Variants in SKAP1 observed in about 807,000 individuals in gnomAD.
SKAP1 encodes the protein src kinase associated phosphoprotein 1.
SKAP1 carries 44 observed loss-of-function variants against 58.5 expected under a neutral mutation model. The ratio of observed to expected loss-of-function variants is 0.75; its 90% CI spans 0.59 to 0.97. The LOEUF is 0.97. Among genes scored for constraint, SKAP1 ranks in the 50% least tolerant of loss-of-function variants. The pLI is 0.00. For synonymous variants in SKAP1, 127 were observed against 149.7 expected (o/e 0.85, Z 1.11); for missense variants, 390 against 435.2 (o/e 0.90, Z 0.92).
upstream of SKAP1, chr17:48,430,260 G>A: frequency 1.8e-6 from 1 of 554,854 alleles, no homozygotes; most frequent in Non-Finnish European, 2.6e-6. Context: ...GCGGGGCGGG[G>A]CCGTGGGTCC....
chr17:48,225,832 A>T (rs1195550394), intron 4 of SKAP1, among the ~76,000 whole-genome samples: 2 of 152,190 alleles, frequency 1.3e-5, no homozygotes, highest in African/African-American at 2.4e-5. Flanking sequence ...CTTAAGAATG[A>T]AGAGTTGAGA....
intron 3 of SKAP1, among the ~76,000 whole-genome samples, chr17:48,347,787 T>C (rs1413569598): frequency 1.3e-5 from 2 of 152,170 alleles, no homozygotes; most frequent in Non-Finnish European, 2.9e-5. Flanking sequence ...GCTCAAATTT[T>C]ACATCACTGG....
intron 2 of SKAP1, among the ~76,000 whole-genome samples, chr17:48,373,493 T>C (rs2067113122): frequency 6.6e-6 from 1 of 152,202 alleles, no homozygotes; most frequent in Non-Finnish European, 1.5e-5. Flanking sequence ...ATTAACTGCT[T>C]TCCTATTGGC....
chr17:48,386,847 A>G (rs2067284069), intron 2 of SKAP1, among the ~76,000 whole-genome samples: 1 of 152,198 alleles, frequency 6.6e-6, no homozygotes, highest in African/African-American at 2.4e-5. Flanking sequence ...GTGATTAAAT[A>G]CTTCTGTGGA....
intron 4 of SKAP1, among the ~76,000 whole-genome samples, chr17:48,190,422 A>T (rs2064525635): frequency 5.9e-5 from 9 of 152,096 alleles, no homozygotes; most frequent in Admixed American, 5.9e-4. Flanking sequence ...AAACTTAAGA[A>T]TTTTTTTGTG....
intron 5 of SKAP1, among the ~76,000 whole-genome samples, chr17:48,188,616 T>C (rs2143516721): frequency 6.6e-6 from 1 of 152,056 alleles, no homozygotes; most frequent in African/African-American, 2.4e-5. Flanking sequence ...GAGCCCAGGA[T>C]TGGAGGCTGC....
intron 1 of SKAP1, among the ~76,000 whole-genome samples, chr17:48,403,069 TCTC>T (rs2067521441): frequency 1.3e-5 from 2 of 152,094 alleles, no homozygotes; most frequent in Non-Finnish European, 2.9e-5. Flanking sequence ...GTGAATTATA[TCTC>T]AATGAAGCTG....
intron 4 of SKAP1, among the ~76,000 whole-genome samples, chr17:48,263,479 G>A (rs2065505545): frequency 6.6e-6 from 1 of 152,088 alleles, no homozygotes; most frequent in Non-Finnish European, 1.5e-5. Flanking sequence ...GTATAACAAT[G>A]AGCTTCAAAC....
intron 2 of SKAP1, among the ~76,000 whole-genome samples, chr17:48,370,107 C>T (rs747590991): frequency 7.9e-5 from 12 of 152,060 alleles, no homozygotes; most frequent in Non-Finnish European, 1.5e-4. Context: ...AGGTTGCCAC[C>T]CCAAATTCAC....
At chr17:48,366,131 C>T (rs944798545) in intron 2 of SKAP1, among the ~76,000 whole-genome samples, 1 of 152,110 alleles carries the variant, frequency 6.6e-6, no homozygotes, top group Admixed American at 6.6e-5. Context: ...TAAAATTAGG[C>T]TTAGCTTCTT....
rs181849232 is a variant in SKAP1 at position 48,264,912 on chromosome 17, C to T, written c.281-75412G>A. Among the ~76,000 whole-genome samples the T allele has an allele frequency of 4.1e-4, 63 of 152,140 alleles. 1 individual carries two copies. The highest frequency in any genetic ancestry group is 3.7e-3 in the Admixed American group (57 of 15,286). ...ACGAGGAAACATCTGTTTGACTTTCCGAAGCTGGCATGGGGAGCTGAAGTC... is the reference window on the plus strand; with the variant it reads ...ACGAGGAAACATCTGTTTGACTTTCTGAAGCTGGCATGGGGAGCTGAAGTC... On this transcript the variant is annotated intron_variant, in intron 4 of 12. Transcript: ENST00000336915.
rs191212011 is a variant in SKAP1 at position 48,411,882 on chromosome 17, G to T, written c.47-15097C>A. On this transcript the variant is annotated intron_variant, in intron 1 of 12. Coordinates refer to ENST00000336915, the MANE Select transcript of SKAP1 (RefSeq NM_003726.4). The stretch of plus-strand genomic sequence containing the variant: ...CTGGGAAACTGTTACAGCAAGAGGC[G>T]CCCAAGGAGCCTAAACTAAACGAGG... Among the ~76,000 whole-genome samples, 53 of 152,216 alleles carry T rather than the reference G, an allele frequency of 3.5e-4. 1 individual carries two copies. Among genetic ancestry groups the T allele is most frequent in the Admixed American group, 1.5e-3 (23 of 15,294 alleles).
intron 4 of SKAP1, among the ~76,000 whole-genome samples, chr17:48,239,195 G>T (rs2065215348): frequency 6.6e-6 from 1 of 152,158 alleles, no homozygotes. Flanking sequence ...TCTCTGGACA[G>T]TGAAATTCAC....
chr17:48,223,279 A>G (rs139783828), intron 4 of SKAP1, among the ~76,000 whole-genome samples: 9 of 152,154 alleles, frequency 5.9e-5, no homozygotes, highest in Non-Finnish European at 1.0e-4. Flanking sequence ...CTTAACAAAG[A>G]TCTATGTAAG....
At chr17:48,396,207 A>C (rs899477328) in intron 2 of SKAP1, among the ~76,000 whole-genome samples, 1 of 152,224 alleles carries the variant, frequency 6.6e-6, no homozygotes, top group African/African-American at 2.4e-5. Context: ...ATTTCAACCC[A>C]GTCCAGGAAT....
intron 4 of SKAP1, among the ~76,000 whole-genome samples, chr17:48,214,602 C>G (rs926063157): frequency 6.9e-6 from 1 of 143,988 alleles, no homozygotes; most frequent in Non-Finnish European, 1.5e-5. Context: ...AGAAGCTGAA[C>G]TTTCTCCAGT....
At chr17:48,204,315 C>T (rs918450361) in intron 4 of SKAP1, 25 of 151,244 alleles carry the variant, frequency 1.7e-4, no homozygotes, top group Middle Eastern at 3.4e-3. Flanking sequence ...GCTGGCCAGG[C>T]TGGTCTCGAA....
At chr17:48,436,072 C>G in the SKAP1 span, among the ~76,000 whole-genome samples, 1 of 150,962 alleles carries the variant, frequency 6.6e-6, no homozygotes, top group Non-Finnish European at 1.5e-5. Flanking sequence ...TTCTAAATGT[C>G]TATTCTTTTT....
At chr17:48,193,440 A>G (rs2064577854) in intron 4 of SKAP1, among the ~76,000 whole-genome samples, 1 of 152,176 alleles carries the variant, frequency 6.6e-6, no homozygotes, top group Admixed American at 6.5e-5. Context: ...TTATAGGCTC[A>G]GTTTAGAATG....
Sources: gnomAD v4.1 joint callset for allele counts (sites outside exome capture counted in the v4.1 genomes callset) on GRCh38, gnomAD v4.1.1 for gene constraint, MANE v1.5 for transcripts, NCBI Gene and HGNC (gene_info 2026-07-23, HGNC 2026-07-21) for gene names.